Variants in PRMT3 observed in about 807,000 individuals in gnomAD.
The protein encoded by PRMT3 is protein arginine methyltransferase 3.
Under a neutral mutation model 71.9 loss-of-function variants are expected in PRMT3, and 62 were observed. The observed-to-expected ratio is 0.86, with a 90% CI of 0.70 to 1.07. PRMT3 has a LOEUF of 1.07. Among genes scored for constraint, PRMT3 ranks in the 50% least tolerant of loss-of-function variants. PRMT3 has a pLI of 0.00. For synonymous variants in PRMT3, 213 were observed against 220.4 expected, an observed-to-expected ratio of 0.97 and a Z score of 0.30; for missense variants, 663 against 643.0, an observed-to-expected ratio of 1.03 and a Z score of -0.34.
intron 12 of PRMT3, among the ~76,000 whole-genome samples, chr11:20,462,647 G>A (rs1480519444): frequency 1.3e-5 from 2 of 152,054 alleles, no homozygotes; most frequent in Non-Finnish European, 2.9e-5. Flanking sequence ...GCCCTACTAT[G>A]TTCAGATTTC....
At chr11:20,394,310 A>T (rs1007250452) in intron 5 of PRMT3, among the ~76,000 whole-genome samples, 3 of 152,212 alleles carry the variant, frequency 2.0e-5, no homozygotes, top group African/African-American at 7.2e-5. Context: ...GTGAAATTAA[A>T]ATTAAATACT....
At chr11:20,396,795 G>A (rs1446421193) in intron 6 of PRMT3, among the ~76,000 whole-genome samples, 1 of 152,184 alleles carries the variant, frequency 6.6e-6, no homozygotes, top group Admixed American at 6.5e-5. Flanking sequence ...CTGGGATCGT[G>A]TTAAAATATA....
chr11:20,426,436 T>A (rs535276226), intron 9 of PRMT3, among the ~76,000 whole-genome samples: 1 of 152,308 alleles, frequency 6.6e-6, no homozygotes, highest in African/African-American at 2.4e-5. Context: ...AACCATACTT[T>A]TATATGTCTT....
intron 9 of PRMT3, among the ~76,000 whole-genome samples, chr11:20,408,278 T>G (rs1205736620): frequency 1.3e-5 from 2 of 152,028 alleles, no homozygotes; most frequent in Non-Finnish European, 2.9e-5. Context: ...GCTTTCTGAC[T>G]ATGGCTATAA....
intron 10 of PRMT3, 117 bp from the exon 11 acceptor site, chr11:20,452,013 T>A (rs1445424206): frequency 3.1e-6 from 2 of 644,732 alleles, no homozygotes; most frequent in Non-Finnish European, 4.8e-6. Context: ...TATTATTACA[T>A]CTGTGGCAGA....
chr11:20,506,660 A>G lies in PRMT3; in HGVS notation c.1487-1644A>G, dbSNP rs538694039. Among the ~76,000 whole-genome samples, 12 of 152,314 alleles carry G rather than the reference A, an allele frequency of 7.9e-5. 3 individuals are homozygous for G. Among genetic ancestry groups the G allele is most frequent in the African/African-American group, 2.9e-4 (12 of 41,580 alleles). ...GGGAATTTGTATTTTTTTAAATACG[A>G]TATTCATTCAGTACTTCAATAGTTT... On this transcript the variant is annotated intron_variant, in intron 15 of 15. Transcript: ENST00000331079.
chr11:20,502,132 G>A (rs1420516785), intron 15 of PRMT3, among the ~76,000 whole-genome samples: 1 of 152,188 alleles, frequency 6.6e-6, no homozygotes, highest in African/African-American at 2.4e-5. Context: ...GCCGTCTGCT[G>A]ATGATAAAAA....
chr11:20,387,850 C>A lies in PRMT3; in HGVS notation c.28+76C>A, dbSNP rs1413974276. 27 of 1,536,168 alleles carry A rather than the reference C, an allele frequency of 1.8e-5. No homozygotes were observed. The highest frequency in any genetic ancestry group is 2.3e-5 in the Non-Finnish European group (26 of 1,142,242). On this transcript the variant is annotated intron_variant, in intron 1 of 15. Transcript: ENST00000331079. The surrounding 1 kb of genome is among the most constrained non-coding windows in gnomAD (Gnocchi z 4.3). ...CGCTGTGGGGCCGGTGGAAGACCCT[C>A]CGGGACACGGGCCCGGGCAGGGTGG...
chr11:20,491,456 A>T (rs1227601771), intron 13 of PRMT3, among the ~76,000 whole-genome samples: 1 of 152,092 alleles, frequency 6.6e-6, no homozygotes, highest in Non-Finnish European at 1.5e-5. Flanking sequence ...AATCTTAAGG[A>T]TGTTGATGTT....
At chr11:20,392,403 G>A in intron 4 of PRMT3, 143 bp downstream of exon 4, 1 of 831,666 alleles carries the variant, frequency 1.2e-6, no homozygotes, top group South Asian at 2.0e-5. Context: ...CGGACATTAG[G>A]AGGTAGCACA....
intron 3 of PRMT3, among the ~76,000 whole-genome samples, chr11:20,390,796 A>G (rs1848696392): frequency 6.6e-6 from 1 of 152,232 alleles, no homozygotes; most frequent in Non-Finnish European, 1.5e-5. Context: ...TGGCTAACCC[A>G]GTGAAAACCT....
intron 9 of PRMT3, among the ~76,000 whole-genome samples, chr11:20,415,460 T>G (rs1424510498): frequency 6.6e-6 from 1 of 152,128 alleles, no homozygotes; most frequent in African/African-American, 2.4e-5. Flanking sequence ...GAAAAGGGTA[T>G]AGTGCAGAAA....
At chr11:20,450,655 G>A (rs1167239478) in intron 10 of PRMT3, among the ~76,000 whole-genome samples, 1 of 152,104 alleles carries the variant, frequency 6.6e-6, no homozygotes, top group Non-Finnish European at 1.5e-5. Context: ...GTGAGCTGGG[G>A]GGAATAGGTC....
intron 10 of PRMT3, among the ~76,000 whole-genome samples, chr11:20,441,679 T>C (rs1476059590): frequency 6.6e-6 from 1 of 151,362 alleles, no homozygotes; most frequent in Non-Finnish European, 1.5e-5. Flanking sequence ...ATGGAATTTT[T>C]ACTTGAAGTC....
At chr11:20,422,090 C>G (rs1849439339) in intron 9 of PRMT3, among the ~76,000 whole-genome samples, 1 of 152,134 alleles carries the variant, frequency 6.6e-6, no homozygotes, top group Non-Finnish European at 1.5e-5. Context: ...GATTAGTTGT[C>G]ATACCACCTG....
chr11:20,431,463 A>G (rs1043566919), intron 10 of PRMT3, among the ~76,000 whole-genome samples: 1 of 152,174 alleles, frequency 6.6e-6, no homozygotes, highest in Admixed American at 6.5e-5. Flanking sequence ...TCAGTTTTGA[A>G]AGTTATACAA....
At chr11:20,479,438 A>G (rs1590096993) in intron 13 of PRMT3, among the ~76,000 whole-genome samples, 1 of 152,270 alleles carries the variant, frequency 6.6e-6, no homozygotes. Flanking sequence ...TATTCACCCT[A>G]TGGATATTAG....
intron 13 of PRMT3, among the ~76,000 whole-genome samples, chr11:20,492,734 G>GT (rs1183510590): frequency 6.6e-6 from 1 of 152,138 alleles, no homozygotes; most frequent in East Asian, 1.9e-4. Flanking sequence ...TCAAAATTAT[G>GT]TATTTATCTG....
intron 9 of PRMT3, among the ~76,000 whole-genome samples, chr11:20,416,662 T>G (rs1026849505): frequency 6.6e-6 from 1 of 152,190 alleles, no homozygotes; most frequent in African/African-American, 2.4e-5. Flanking sequence ...TTTTTTCACT[T>G]TATTAGAACT....
Sources: gnomAD v4.1 joint callset for allele counts (sites outside exome capture counted in the v4.1 genomes callset) on GRCh38, gnomAD v4.1.1 for gene constraint, Gnocchi (gnomAD v3.1) non-coding constraint, MANE v1.5 for transcripts, NCBI Gene and HGNC (gene_info 2026-07-23, HGNC 2026-07-21) for gene names.